The following CSMD1 variants were observed in gnomAD, a reference collection of about 807,000 sequenced individuals.
CSMD1 encodes CUB and sushi domain-containing protein 1.
CSMD1 carries 213 observed loss-of-function variants against 417.5 expected under a neutral mutation model. The observed-to-expected ratio is 0.51, with a 90% CI of 0.46 to 0.57. The LOEUF (loss-of-function observed/expected upper bound fraction) is 0.57, where lower values mean the gene tolerates loss of function less well. Among genes scored for constraint, CSMD1 ranks in the 20% least tolerant of loss-of-function variants. The pLI, the probability that CSMD1 is intolerant of heterozygous loss-of-function variation, is 0.00. For synonymous variants in CSMD1, 2,862 were observed against 1,736.8 expected (o/e 1.65, Z -16.11); for missense variants, 6,923 against 4,529.7 (o/e 1.53, Z -15.17).
intron 1 of CSMD1, among the ~76,000 whole-genome samples, chr8:4,969,815 T>G (rs1362421612): frequency 1.3e-5 from 2 of 152,088 alleles, no homozygotes; most frequent in Admixed American, 1.3e-4. Context: ...TTTAATTGTT[T>G]TTCTCAGGCA....
chr8:4,091,178 C>G (rs1207420128), intron 3 of CSMD1, among the ~76,000 whole-genome samples: 2 of 152,058 alleles, frequency 1.3e-5, no homozygotes, highest in South Asian at 2.1e-4. Flanking sequence ...CTCGGCCTCC[C>G]AAAGTGCTGG....
chr8:4,096,835 G>C (rs17332343), intron 3 of CSMD1, among the ~76,000 whole-genome samples: 18,074 of 152,174 alleles, frequency 0.12, 1,348 homozygotes, highest in South Asian at 0.33. Flanking sequence ...ATATTTAATG[G>C]AGGTGTGTGT....
At chr8:3,814,490 C>T (rs1440466662) in intron 5 of CSMD1, among the ~76,000 whole-genome samples, 1 of 152,170 alleles carries the variant, frequency 6.6e-6, no homozygotes, top group African/African-American at 2.4e-5. Context: ...TCAACTGTGG[C>T]CGAATTCATC....
At chr8:4,966,168 A>G (rs770961413) in intron 1 of CSMD1, among the ~76,000 whole-genome samples, 1 of 147,542 alleles carries the variant, frequency 6.8e-6, no homozygotes, top group Admixed American at 6.9e-5. Flanking sequence ...GTTCCAGACC[A>G]GCTTGGCTAA....
At chr8:4,832,612 G>A (rs753069711) in intron 1 of CSMD1, among the ~76,000 whole-genome samples, 1 of 152,128 alleles carries the variant, frequency 6.6e-6, no homozygotes, top group Non-Finnish European at 1.5e-5. Context: ...GACACTTAGG[G>A]ATTATAGTAA....
intron 10 of CSMD1, among the ~76,000 whole-genome samples, chr8:3,523,486 G>C (rs1339879220): frequency 4.6e-5 from 7 of 152,040 alleles, no homozygotes; most frequent in African/African-American, 1.7e-4. Flanking sequence ...CCCACCTGTG[G>C]ATGGCTGGCA....
At chr8:4,438,994 G>T (rs898132619) in intron 2 of CSMD1, among the ~76,000 whole-genome samples, 4 of 152,012 alleles carry the variant, frequency 2.6e-5, no homozygotes, top group South Asian at 2.1e-4. Context: ...AGACGTTTGG[G>T]GCAAATTTTC....
At chr8:3,558,587 T>TCCACTCCTCCAATGATGAATAGTGC (rs1799310525) in intron 10 of CSMD1, among the ~76,000 whole-genome samples, 15 of 62,550 alleles carry the variant, frequency 2.4e-4, no homozygotes, top group South Asian at 4.4e-4. Flanking sequence ...ATGAATGGTG[T>TCCACTCCTCCAATGATGAATAGTGC]CTCAATAGTA....
intron 1 of CSMD1, among the ~76,000 whole-genome samples, chr8:4,753,137 G>A (rs1411187861): frequency 1.3e-5 from 2 of 152,134 alleles, no homozygotes. Flanking sequence ...GCGAGGCTTA[G>A]AAAGCTGAAG....
chr8:3,739,463 C>G (rs1302116628), intron 6 of CSMD1, among the ~76,000 whole-genome samples: 1 of 152,128 alleles, frequency 6.6e-6, no homozygotes. Flanking sequence ...GTTAATTACT[C>G]TGGTTTGATC....
chr8:4,103,919 T>C (rs1801433031), intron 3 of CSMD1, among the ~76,000 whole-genome samples: 1 of 152,194 alleles, frequency 6.6e-6, no homozygotes, highest in Non-Finnish European at 1.5e-5. Flanking sequence ...CCAAACAGCT[T>C]TGTGCCTGTG....
At chr8:4,404,845 C>G (rs1204448765) in intron 3 of CSMD1, among the ~76,000 whole-genome samples, 1 of 152,096 alleles carries the variant, frequency 6.6e-6, no homozygotes, top group African/African-American at 2.4e-5. Flanking sequence ...ACAACAGGCC[C>G]TTACACTCTA....
chr8:4,717,269 A>G (rs539907109), intron 1 of CSMD1, among the ~76,000 whole-genome samples: 1 of 149,802 alleles, frequency 6.7e-6, no homozygotes, highest in Admixed American at 6.6e-5. Flanking sequence ...ATAGGGCCTC[A>G]AAGAAGCATC....
chr8:4,672,705 C>T (rs747037803), intron 1 of CSMD1, among the ~76,000 whole-genome samples: 2 of 152,128 alleles, frequency 1.3e-5, no homozygotes, highest in African/African-American at 2.4e-5. Flanking sequence ...ACTGCGCACA[C>T]ACATGCACAC....
In CSMD1 at chr8:3,833,154, A is replaced by G. The variant is rs988851955; in HGVS notation, c.819-79112T>C. 1.5e-4 allele frequency among the ~76,000 whole-genome samples: 23 copies of G among 152,144 alleles called. 1 individual carries two copies. The highest frequency in any genetic ancestry group is 1.3e-4 in the Non-Finnish European group (9 of 68,000). ...AAACGATCAACTTCCTCTCTTTAAA[A>G]TTTCAGGAAAGTATATAATCACTTT... On this transcript the variant is annotated intron_variant, in intron 5 of 69. Transcript: ENST00000635120.
chr8:3,632,294 T>C (rs950489829), intron 7 of CSMD1, among the ~76,000 whole-genome samples: 4 of 152,180 alleles, frequency 2.6e-5, no homozygotes, highest in Non-Finnish European at 4.4e-5. Context: ...GGAGGCATTC[T>C]TCCATCTCAT....
chr8:4,227,504 C>A (rs551015114), intron 3 of CSMD1, among the ~76,000 whole-genome samples: 3 of 151,998 alleles, frequency 2.0e-5, no homozygotes, highest in Non-Finnish European at 4.4e-5. Flanking sequence ...GCTGGAGGAG[C>A]GCATTAAATC....
intron 1 of CSMD1, among the ~76,000 whole-genome samples, chr8:4,927,667 G>A (rs936544891): frequency 3.3e-5 from 5 of 152,168 alleles, no homozygotes; most frequent in Non-Finnish European, 7.3e-5. Flanking sequence ...TCAGGTAAGT[G>A]GTGATGACAC....
At position 3,144,340 on chromosome 8, in the gene CSMD1, G is replaced by A. The variant is rs113258783; in HGVS notation, c.6032-1666C>T. Among the ~76,000 whole-genome samples, 1,274 of 152,104 alleles carry A rather than the reference G, an allele frequency of 8.4e-3. 26 individuals carry two copies. Among genetic ancestry groups the A allele is most frequent in the African/African-American group, 0.03 (1,224 of 41,476 alleles). On this transcript the variant is annotated intron_variant, in intron 40 of 69. Coordinates refer to ENST00000635120, the MANE Select transcript of CSMD1 (RefSeq NM_033225.6). ...TGGTAAAAATATTCCACTCTTCTTGGAGAAAATCAGTTTGTATTATGTTCA... is the reference window on the plus strand; with the variant it reads ...TGGTAAAAATATTCCACTCTTCTTGAAGAAAATCAGTTTGTATTATGTTCA...
Sources: allele counts gnomAD v4.1 joint callset (sites outside exome capture counted in the v4.1 genomes callset), GRCh38; gene constraint gnomAD v4.1.1; transcripts MANE v1.5; gene names NCBI Gene and HGNC (gene_info 2026-07-23, HGNC 2026-07-21).